The following MYH7B variants were observed in gnomAD, a reference collection of about 807,000 sequenced individuals.
MYH7B encodes myosin-7B.
Under a neutral mutation model 234.5 loss-of-function variants are expected in MYH7B, and 205 were observed. The ratio of observed to expected loss-of-function variants is 0.87; its 90% CI spans 0.78 to 0.98. The LOEUF (loss-of-function observed/expected upper bound fraction) is 0.98. MYH7B is among the 50% of genes least tolerant of loss of function. The pLI is 0.00. For synonymous variants in MYH7B, 1,193 were observed against 1,105.0 expected, an observed-to-expected ratio of 1.08 and a Z score of -1.58; for missense variants, 2,652 against 2,633.4, an observed-to-expected ratio of 1.01 and a Z score of -0.15.
chr20:34,964,186 T>G (rs1218481274), intron 2 of MYH7B, among the ~76,000 whole-genome samples: 1 of 151,964 alleles, frequency 6.6e-6, no homozygotes, highest in African/African-American at 2.4e-5. Flanking sequence ...CTGCCAGCAG[T>G]GTATTAGAAT....
chr20:34,986,987 G>A (rs763030072), exon 15 of MYH7B: 23 of 1,612,682 alleles, frequency 1.4e-5, no homozygotes, highest in Middle Eastern at 1.6e-4. Context: ...CATCGCCACC[G>A]ACGTATGAGC....
chr20:34,994,632 C>T lies in MYH7B; in HGVS notation c.2700+231C>T, dbSNP rs79841934. Among the ~76,000 whole-genome samples the T allele has an allele frequency of 9.8e-3, 1,492 of 152,300 alleles. 17 individuals carry two copies. The highest frequency in any genetic ancestry group is 0.033 in the African/African-American group (1,375 of 41,562). ...TTGGCCTCCCGCTAAAGCAGAGGAA[C>T]CCCAGCTCCCCAGCTCTCCCCTCCC... On this transcript the variant is annotated intron_variant, in intron 27 of 44. Coordinates refer to ENST00000262873, the Ensembl canonical transcript of MYH7B.
chr20:34,989,068 C>CTCT (rs1489393820), intron 19 of MYH7B, among the ~76,000 whole-genome samples: 2 of 152,246 alleles, frequency 1.3e-5, no homozygotes, highest in East Asian at 3.8e-4. Context: ...CCTTGGCCTC[C>CTCT]TAAAGTGCTG....
At chr20:34,975,107 AAAAAAT>A (rs1239413745) in intron 2 of MYH7B, among the ~76,000 whole-genome samples, 6 of 152,246 alleles carry the variant, frequency 3.9e-5, no homozygotes, top group Admixed American at 6.5e-5. Flanking sequence ...GTCGGTATAA[AAAAAAT>A]AAAAATAAAA....
chr20:34,989,282 T>C (rs568506760), intron 19 of MYH7B, among the ~76,000 whole-genome samples: 2 of 152,340 alleles, frequency 1.3e-5, no homozygotes, highest in Admixed American at 6.5e-5. Flanking sequence ...GCTTTTTAAA[T>C]ATTATGTCAG....
intron 2 of MYH7B, among the ~76,000 whole-genome samples, chr20:34,960,982 C>T (rs2081691827): frequency 6.6e-6 from 1 of 151,980 alleles, no homozygotes; most frequent in African/African-American, 2.4e-5. Context: ...GTTGATGGCA[C>T]GAGGGCCAAC....
chr20:34,992,827 C>G (rs980836671), intron 24 of MYH7B, among the ~76,000 whole-genome samples: 6 of 152,202 alleles, frequency 3.9e-5, no homozygotes, highest in African/African-American at 1.4e-4. Flanking sequence ...GCCTTGGCTT[C>G]CCAAAGTGTT....
chr20:34,984,599 TGCTGCCC>T, intron 10 of MYH7B, 86 bp from the exon 11 acceptor site: 2 of 1,180,774 alleles, frequency 1.7e-6, no homozygotes, highest in Admixed American at 2.0e-5. Flanking sequence ...CCCCCTGTCC[TGCTGCCC>T]GCTGCCTCCC....
At chr20:34,995,861 C>T (rs1349133808) in intron 28 of MYH7B, among the ~76,000 whole-genome samples, 3 of 152,254 alleles carry the variant, frequency 2.0e-5, no homozygotes, top group Admixed American at 6.5e-5. Flanking sequence ...TCATCCATCC[C>T]GGAGTGCAAG....
chr20:34,982,695 G>C (rs2081958991), intron 10 of MYH7B, 140 bp downstream of exon 10: 4 of 729,972 alleles, frequency 5.5e-6, no homozygotes, highest in South Asian at 2.0e-5. Context: ...TCCCACCCTG[G>C]TGGGGGACTC....
exon 3 of MYH7B, chr20:34,975,491 A>C (rs1313960876): frequency 1.4e-6 from 1 of 713,252 alleles, no homozygotes; most frequent in Admixed American, 2.0e-5. Flanking sequence ...CTGGAATTAC[A>C]GACATGAGGT....
chr20:34,981,296 A>C, intron 9 of MYH7B: 1 of 464,118 alleles, frequency 2.2e-6, no homozygotes, highest in Non-Finnish European at 3.8e-6. Flanking sequence ...CGGAGTGACC[A>C]CCAGCCCCAC....
chr20:34,996,698 C>T lies in MYH7B; in HGVS notation c.3206C>T (p.Thr1069Met), dbSNP rs199682367. 1.5e-4 allele frequency: 242 copies of T among 1,613,592 alleles called. No homozygotes were observed. The African/African-American group carries it at 2.4e-3, about 16-fold the overall frequency. The change falls in exon 30 of 45, where the codon ACG becomes ATG. Residue 1069 changes from threonine to methionine, a missense_variant. Transcript: ENST00000262873. Reference sequence around the variant, plus strand: ...AAGCTGGAGGGTGACCTGAAGCTGACGCAGGAGTCGGTGGCTGATGCTGCT... The same window carrying T: ...AAGCTGGAGGGTGACCTGAAGCTGATGCAGGAGTCGGTGGCTGATGCTGCT...
chr20:34,981,093 A>G, intron 9 of MYH7B, 33 bp downstream of exon 9: 1 of 1,612,866 alleles, frequency 6.2e-7, no homozygotes, highest in Non-Finnish European at 8.5e-7. Context: ...GGGGTGGAAA[A>G]TGCTGGCCAT....
chr20:35,001,518 G>C (rs553792188), exon 43 of MYH7B: 1 of 1,608,008 alleles, frequency 6.2e-7, no homozygotes, highest in Admixed American at 1.7e-5. Context: ...GCGCCAGTTT[G>C]AGGAGGCGGT....
At chr20:34,998,665 G>A (rs772328474) in intron 34 of MYH7B, 36 bp downstream of exon 34, 2 of 1,612,466 alleles carry the variant, frequency 1.2e-6, no homozygotes, top group South Asian at 2.2e-5. Flanking sequence ...GTGGGCAGGT[G>A]GGCACCAGAG....
chr20:34,989,592 G>A, intron 19 of MYH7B, 148 bp from the exon 20 acceptor site: 3 of 738,912 alleles, frequency 4.1e-6, no homozygotes. Context: ...TTCTTGGAGT[G>A]GGTGTGGTGT....
At chr20:34,976,787 T>C (rs1346535808) in intron 3 of MYH7B, among the ~76,000 whole-genome samples, 2 of 152,182 alleles carry the variant, frequency 1.3e-5, no homozygotes, top group East Asian at 3.9e-4. Context: ...GGCATCGATG[T>C]GCTCCCACTT....
exon 36 of MYH7B, chr20:34,999,287 G>A (rs373225798): frequency 4.3e-5 from 68 of 1,591,700 alleles, no homozygotes; most frequent in Non-Finnish European, 5.6e-5. Context: ...AGCGGGAGCT[G>A]GAGGCGGCAC....
Sources: allele counts gnomAD v4.1 joint callset (sites outside exome capture counted in the v4.1 genomes callset), GRCh38; gene constraint gnomAD v4.1.1; transcripts MANE v1.5; gene names NCBI Gene and HGNC (gene_info 2026-07-23, HGNC 2026-07-21).